The following CSMD1 variants were observed in gnomAD, a reference collection of about 807,000 sequenced individuals.
CSMD1 encodes the protein CUB and Sushi multiple domains 1.
In CSMD1, 213 loss-of-function variants were observed where a neutral mutation model predicts 417.5. The observed-to-expected ratio is 0.51, with a 90% CI of 0.46 to 0.57. The LOEUF is 0.57. CSMD1 is among the 20% of genes least tolerant of loss of function. CSMD1 has a pLI of 0.00. For synonymous variants in CSMD1, 2,862 were observed against 1,736.8 expected, an observed-to-expected ratio of 1.65 and a Z score of -16.11; for missense variants, 6,923 against 4,529.7, an observed-to-expected ratio of 1.53 and a Z score of -15.17.
intron 1 of CSMD1, among the ~76,000 whole-genome samples, chr8:4,814,244 G>GTA (rs1799074756): frequency 6.6e-6 from 1 of 152,192 alleles, no homozygotes; most frequent in East Asian, 1.9e-4. Flanking sequence ...ATGTGCGCGT[G>GTA]TGTGTATGTG....
At chr8:3,120,448 A>C (rs181637649) in intron 41 of CSMD1, among the ~76,000 whole-genome samples, 2 of 152,310 alleles carry the variant, frequency 1.3e-5, no homozygotes, top group African/African-American at 4.8e-5. Flanking sequence ...GTCTTCATTA[A>C]CATTTGCCAA....
chr8:4,674,564 T>C (rs1397078149), intron 1 of CSMD1, among the ~76,000 whole-genome samples: 1 of 152,110 alleles, frequency 6.6e-6, no homozygotes, highest in Admixed American at 6.6e-5. Flanking sequence ...TGAACAAAGA[T>C]GTACCACTAA....
chr8:3,302,127 A>C (rs1015558686), intron 25 of CSMD1, among the ~76,000 whole-genome samples: 2 of 152,156 alleles, frequency 1.3e-5, no homozygotes, highest in African/African-American at 2.4e-5. Context: ...ACAGTAACAC[A>C]AATAGGGAAT....
At chr8:4,255,394 G>C (rs1325969679) in intron 3 of CSMD1, among the ~76,000 whole-genome samples, 1 of 152,186 alleles carries the variant, frequency 6.6e-6, no homozygotes, top group Admixed American at 6.5e-5. Context: ...AAAAATTAAA[G>C]AGGACGCAAT....
At chr8:4,654,603 T>G (rs1179401085) in intron 1 of CSMD1, among the ~76,000 whole-genome samples, 2 of 152,126 alleles carry the variant, frequency 1.3e-5, no homozygotes, top group African/African-American at 4.8e-5. Context: ...ATTAGGAAGT[T>G]CATATGGCTA....
At chr8:3,752,676 C>CAAAAAAAA (rs200769696) in intron 6 of CSMD1, among the ~76,000 whole-genome samples, 20 of 96,966 alleles carry the variant, frequency 2.1e-4, no homozygotes, top group African/African-American at 3.7e-4. Flanking sequence ...CCCCGCCTGG[C>CAAAAAAAA]AAAAAAAAAA....
At chr8:4,612,732 T>C (rs556204683) in intron 2 of CSMD1, among the ~76,000 whole-genome samples, 2 of 152,284 alleles carry the variant, frequency 1.3e-5, no homozygotes, top group South Asian at 4.1e-4. Flanking sequence ...GGTGTGTTTG[T>C]GTGTGCAAAT....
At chr8:3,957,956 T>C (rs1812078722) in intron 5 of CSMD1, among the ~76,000 whole-genome samples, 1 of 152,168 alleles carries the variant, frequency 6.6e-6, no homozygotes, top group South Asian at 2.1e-4. Flanking sequence ...GGGTATAAAA[T>C]ATTTGAAAAT....
chr8:4,636,063 T>C (rs1429285831), intron 2 of CSMD1, among the ~76,000 whole-genome samples: 2 of 152,168 alleles, frequency 1.3e-5, no homozygotes, highest in East Asian at 1.9e-4. Flanking sequence ...TATATTGACA[T>C]ATTATAAACT....
Position 2,969,614 on chromosome 8 carries a change from TG to T in CSMD1, c.8924-2869del, listed in dbSNP as rs1804263054. 2.6e-5 allele frequency among the ~76,000 whole-genome samples: 4 copies of T among 152,204 alleles called. No homozygotes were observed. The South Asian group carries it at 8.3e-4, about 32-fold the overall frequency. On this transcript the variant is annotated intron_variant, in intron 57 of 69. Transcript: ENST00000635120. Reference sequence around the variant, plus strand: ...TTAGAGGAAATAATTTCATCAGGTTTGCAATAATCTTAACTAGGGGATTAGT... The same window carrying T: ...TTAGAGGAAATAATTTCATCAGGTTTCAATAATCTTAACTAGGGGATTAGT...
intron 15 of CSMD1, among the ~76,000 whole-genome samples, chr8:3,401,146 ATTTT>A (rs1302320604): frequency 6.6e-6 from 1 of 151,940 alleles, no homozygotes; most frequent in African/African-American, 2.4e-5. Context: ...TATAACTTTT[ATTTT>A]GTCATGTTTA....
intron 1 of CSMD1, among the ~76,000 whole-genome samples, chr8:4,930,810 T>A (rs1453223896): frequency 1.3e-5 from 2 of 152,220 alleles, no homozygotes; most frequent in Admixed American, 1.3e-4. Context: ...GAAATTTACA[T>A]TTATTTGATG....
intron 2 of CSMD1, among the ~76,000 whole-genome samples, chr8:4,458,353 CATA>C (rs1249819835): frequency 6.6e-6 from 1 of 151,956 alleles, no homozygotes; most frequent in African/African-American, 2.4e-5. Context: ...TATCAGTAAT[CATA>C]ATAATGAAAT....
intron 34 of CSMD1, among the ~76,000 whole-genome samples, chr8:3,189,701 G>A (rs114639155): frequency 0.013 from 1,716 of 132,248 alleles, 34 homozygotes; most frequent in African/African-American, 0.041. Context: ...AGGGAAACAT[G>A]CTTTATCCTT....
At chr8:3,437,181 T>C (rs1272933999) in intron 12 of CSMD1, among the ~76,000 whole-genome samples, 1 of 152,162 alleles carries the variant, frequency 6.6e-6, no homozygotes, top group Admixed American at 6.6e-5. Context: ...CATAATACTG[T>C]TCAAGGGGAA....
chr8:4,625,012 C>A (rs981702936), intron 2 of CSMD1, among the ~76,000 whole-genome samples: 1 of 152,008 alleles, frequency 6.6e-6, no homozygotes. Flanking sequence ...GCGTGCTTGC[C>A]GCTTATACCA....
At chr8:3,404,640 A>C (rs1432399066) in intron 15 of CSMD1, among the ~76,000 whole-genome samples, 2 of 152,332 alleles carry the variant, frequency 1.3e-5, no homozygotes, top group Non-Finnish European at 2.9e-5. Context: ...TGTTGACTAA[A>C]GACAACTGAG....
Position 3,367,655 on chromosome 8 carries a change from A to C in CSMD1, c.2900-408T>G, listed in dbSNP as rs1809685645. Among the ~76,000 whole-genome samples the C allele has an allele frequency of 2.0e-5, 3 of 152,212 alleles. No homozygotes were observed. In the South Asian group the frequency reaches 6.2e-4, roughly 31 times the overall value. On this transcript the variant is annotated intron_variant, in intron 19 of 69. Transcript: ENST00000635120. ...ATGAAAAAAAGCAGAAGGGATAAACAACAAAAATAAATACTTAAGTGCATA... is the reference window on the plus strand; with the variant it reads ...ATGAAAAAAAGCAGAAGGGATAAACCACAAAAATAAATACTTAAGTGCATA...
intron 1 of CSMD1, among the ~76,000 whole-genome samples, chr8:4,738,460 T>TG (rs1465405850): frequency 6.6e-6 from 1 of 152,018 alleles, no homozygotes; most frequent in African/African-American, 2.4e-5. Context: ...TCAGATCTCA[T>TG]GAGAACAAAC....
Sources: gnomAD v4.1 joint callset for allele counts (sites outside exome capture counted in the v4.1 genomes callset) on GRCh38, gnomAD v4.1.1 for gene constraint, MANE v1.5 for transcripts, NCBI Gene and HGNC (gene_info 2026-07-23, HGNC 2026-07-21) for gene names.